SLC24A3: variants seen among roughly 807,000 people sequenced by gnomAD.
SLC24A3 encodes solute carrier family 24 member 3, also known as sodium/potassium/calcium exchanger 3.
Under a neutral mutation model 75.8 loss-of-function variants are expected in SLC24A3, and 28 were observed. The ratio of observed to expected loss-of-function variants is 0.37; its 90% CI spans 0.27 to 0.51. The LOEUF (loss-of-function observed/expected upper bound fraction) is 0.51, where lower values mean the gene tolerates loss of function less well. Ranked by LOEUF, SLC24A3 falls within the 20% of genes least tolerant of loss-of-function variation. The probability of loss-of-function intolerance (pLI) is 0.94; values close to 1 mark genes in which losing one functional copy is unlikely to be tolerated. For missense variants in SLC24A3, 663 were observed against 847.8 expected (o/e 0.78, Z 2.71); for synonymous variants, 372 against 334.1 (o/e 1.11, Z -1.24).
chr20:19,457,735 A>G (rs1296590631), intron 2 of SLC24A3, among the ~76,000 whole-genome samples: 3 of 152,178 alleles, frequency 2.0e-5, no homozygotes, highest in Non-Finnish European at 4.4e-5. Flanking sequence ...GAGGACTCAC[A>G]TTCCCTGGAT....
At chr20:19,294,146 T>G (rs190336336) in intron 2 of SLC24A3, among the ~76,000 whole-genome samples, 1 of 151,950 alleles carries the variant, frequency 6.6e-6, no homozygotes, top group East Asian at 1.9e-4. Context: ...TTTGGAACTT[T>G]GTGGAATTTT....
chr20:19,419,933 G>A (rs1453962988), intron 2 of SLC24A3, among the ~76,000 whole-genome samples: 2 of 120,642 alleles, frequency 1.7e-5, no homozygotes, highest in Non-Finnish European at 3.4e-5. Flanking sequence ...ACCCACTAAC[G>A]TGTCATCTAG....
At chr20:19,577,302 G>A (rs140574781) in intron 3 of SLC24A3, among the ~76,000 whole-genome samples, 2 of 152,120 alleles carry the variant, frequency 1.3e-5, no homozygotes, top group East Asian at 1.9e-4. Flanking sequence ...TGATCTGCCC[G>A]CCTCGGCCTC....
intron 6 of SLC24A3, among the ~76,000 whole-genome samples, chr20:19,640,675 G>A (rs775288979): frequency 7.9e-5 from 12 of 152,216 alleles, no homozygotes; most frequent in East Asian, 1.9e-4. Context: ...ACTTCAACCC[G>A]GGAGGCGAAG....
chr20:19,466,561 C>T lies in SLC24A3; in HGVS notation c.272-48927C>T, dbSNP rs565419863. On this transcript the variant is annotated intron_variant, in intron 2 of 16. Transcript: ENST00000328041. ...GAAAAGGTAATAAAATATGTGCATT[C>T]GCTGATTAGGAACAAATGTCAAAGC... Among the ~76,000 whole-genome samples the T allele has an allele frequency of 8.4e-4, 128 of 152,244 alleles. 1 individual carries two copies. The highest frequency in any genetic ancestry group is 1.2e-4 in the Non-Finnish European group (8 of 68,038).
At chr20:19,624,156 C>T (rs770179149) in intron 6 of SLC24A3, among the ~76,000 whole-genome samples, 16 of 152,172 alleles carry the variant, frequency 1.1e-4, no homozygotes, top group Non-Finnish European at 2.1e-4. Context: ...AAGTATTTTA[C>T]CTGTCACCTG....
At chr20:19,422,147 G>A (rs530051769) in intron 2 of SLC24A3, among the ~76,000 whole-genome samples, 3 of 152,056 alleles carry the variant, frequency 2.0e-5, no homozygotes, top group Non-Finnish European at 4.4e-5. Context: ...TGCAGACTGG[G>A]TAGAGCTGTC....
At chr20:19,696,748 T>A in intron 13 of SLC24A3, 49 bp from the exon 14 acceptor site, 1 of 1,318,806 alleles carries the variant, frequency 7.6e-7, no homozygotes, top group Non-Finnish European at 1.1e-6. Context: ...CATGGGCAGG[T>A]GGGGCTTGAG....
intron 2 of SLC24A3, among the ~76,000 whole-genome samples, chr20:19,292,669 T>C (rs2122237038): frequency 6.6e-6 from 1 of 152,032 alleles, no homozygotes; most frequent in African/African-American, 2.4e-5. Flanking sequence ...AGGGATGAGG[T>C]TGAGAGGCAG....
chr20:19,523,745 AC>A (rs1195475849), intron 3 of SLC24A3, among the ~76,000 whole-genome samples: 1 of 152,188 alleles, frequency 6.6e-6, no homozygotes. Flanking sequence ...CTGTCACAGC[AC>A]CCACCTCATC....
At chr20:19,328,859 C>T (rs556487535) in intron 2 of SLC24A3, among the ~76,000 whole-genome samples, 395 of 152,296 alleles carry the variant, frequency 2.6e-3, no homozygotes, top group South Asian at 5.0e-3. Context: ...GGATTCCCCA[C>T]AGGAGCAAGC....
chr20:19,576,023 C>T (rs2031129486), intron 3 of SLC24A3, among the ~76,000 whole-genome samples: 1 of 152,098 alleles, frequency 6.6e-6, no homozygotes, highest in East Asian at 1.9e-4. Flanking sequence ...TTAAGCCCTG[C>T]CATTTGCTAG....
At chr20:19,660,780 C>T (rs1411412404) in intron 7 of SLC24A3, among the ~76,000 whole-genome samples, 3 of 152,088 alleles carry the variant, frequency 2.0e-5, no homozygotes, top group African/African-American at 7.2e-5. Context: ...GGTCTTTCAG[C>T]TCATTTTGCC....
chr20:19,461,434 C>T (rs1987669819), intron 2 of SLC24A3, among the ~76,000 whole-genome samples: 1 of 44,698 alleles, frequency 2.2e-5, no homozygotes, highest in African/African-American at 4.5e-5. Context: ...CATATATGTT[C>T]ACACATATTA....
At chr20:19,473,123 A>G (rs1987902842) in intron 2 of SLC24A3, among the ~76,000 whole-genome samples, 1 of 152,194 alleles carries the variant, frequency 6.6e-6, no homozygotes, top group Non-Finnish European at 1.5e-5. Flanking sequence ...CCAGAACCCT[A>G]GCTTTGCCAC....
In SLC24A3 at chr20:19,280,982, G is replaced by A; in HGVS notation, c.166G>A (p.Gly56Arg). 1 of 1,613,926 alleles carries A rather than the reference G, an allele frequency of 6.2e-7. No individual in the cohort carries two copies. The highest frequency in any genetic ancestry group is 8.5e-7 in the Non-Finnish European group (1 of 1,179,928). The change falls in exon 2 of 17, where the codon GGG (glycine) becomes AGG (arginine). Residue 56 changes from glycine to arginine, a missense_variant. Physicochemically the swap from Gly to Arg is moderately radical, Grantham distance 125. Transcript: ENST00000328041. ...QKELDLMDLV[G>R]EDRKWMMARK... ...AGAGCTTGACCTCATGGACCTCGTA[G>A]GGGAAGACAGAAAGTGGATGATGGC...
chr20:19,647,823 G>T (rs2032157463), intron 6 of SLC24A3, among the ~76,000 whole-genome samples: 1 of 152,114 alleles, frequency 6.6e-6, no homozygotes, highest in African/African-American at 2.4e-5. Context: ...TCCTGATATG[G>T]CCTTGTTTTT....
chr20:19,563,875 T>C (rs2030916147), intron 3 of SLC24A3, among the ~76,000 whole-genome samples: 1 of 152,238 alleles, frequency 6.6e-6, no homozygotes, highest in African/African-American at 2.4e-5. Flanking sequence ...CTTATTGTGA[T>C]AACCCTCGGA....
intron 2 of SLC24A3, among the ~76,000 whole-genome samples, chr20:19,435,617 CT>C (rs1348600984): frequency 5.9e-5 from 9 of 152,146 alleles, no homozygotes; most frequent in Non-Finnish European, 1.5e-5. Context: ...ACCTTTGGAG[CT>C]TTTTCCCCAG....
Sources: allele counts gnomAD v4.1 joint callset (sites outside exome capture counted in the v4.1 genomes callset), GRCh38; gene constraint gnomAD v4.1.1; transcripts MANE v1.5; gene names NCBI Gene and HGNC (gene_info 2026-07-23, HGNC 2026-07-21).